The following PARP15 variants were observed in gnomAD, a reference collection of about 807,000 sequenced individuals.
PARP15 encodes the protein poly(ADP-ribose) polymerase family member 15, also known as protein mono-ADP-ribosyltransferase PARP15.
Under a neutral mutation model 62.1 loss-of-function variants are expected in PARP15, and 50 were observed. That is an observed-to-expected ratio of 0.81 (90% CI 0.64 to 1.02). PARP15 has a LOEUF of 1.02. PARP15 is among the 50% of genes least tolerant of loss of function. The pLI is 0.00. For synonymous variants in PARP15, 309 were observed against 293.1 expected (o/e 1.05, Z -0.55); for missense variants, 820 against 826.5 (o/e 0.99, Z 0.10).
intron 8 of PARP15, among the ~76,000 whole-genome samples, chr3:122,625,054 A>G (rs1936613118): frequency 1.3e-5 from 2 of 151,718 alleles, no homozygotes; most frequent in Admixed American, 6.6e-5. Context: ...TATATTCTTA[A>G]TTACTCTATT....
chr3:122,615,437 G>C, intron 4 of PARP15: 1 of 1,258,632 alleles, frequency 7.9e-7, no homozygotes, highest in South Asian at 1.4e-5. Context: ...TCAGCCTATT[G>C]GATGTAGGAG....
chr3:122,619,347 A>G (rs956668465), intron 6 of PARP15, among the ~76,000 whole-genome samples: 50 of 152,224 alleles, frequency 3.3e-4, no homozygotes, highest in Admixed American at 2.7e-3. Flanking sequence ...GATTCACTGG[A>G]GTGAAACCAG....
At chr3:122,603,521 G>A (rs1445960805) in intron 1 of PARP15, among the ~76,000 whole-genome samples, 2 of 152,192 alleles carry the variant, frequency 1.3e-5, no homozygotes, top group Non-Finnish European at 1.5e-5. Context: ...AATTTGATAT[G>A]TTCAAGGAGA....
intron 8 of PARP15, among the ~76,000 whole-genome samples, chr3:122,624,259 A>G (rs146967512): frequency 6.6e-6 from 1 of 152,328 alleles, no homozygotes; most frequent in East Asian, 1.9e-4. Flanking sequence ...TAGTTGTATT[A>G]GTAATATTAA....
intron 2 of PARP15, 32 bp from the exon 3 acceptor site, chr3:122,610,462 T>C: frequency 6.6e-7 from 1 of 1,506,722 alleles, no homozygotes; most frequent in Non-Finnish European, 9.0e-7. Flanking sequence ...GTATTATTGA[T>C]TCAATCTCTA....
chr3:122,608,325 C>G (rs755613598), intron 2 of PARP15, among the ~76,000 whole-genome samples: 12 of 149,900 alleles, frequency 8.0e-5, no homozygotes, highest in Admixed American at 2.7e-4. Flanking sequence ...AAGTGATTCT[C>G]CTGCCTCAGC....
Position 122,617,099 on chromosome 3 carries a change from A to G in PARP15, c.935A>G (p.Asp312Gly). 1.2e-6 allele frequency: 2 copies of G among 1,614,094 alleles called. No homozygotes were observed. Among genetic ancestry groups the G allele is most frequent in the Non-Finnish European group, 1.7e-6 (2 of 1,179,930 alleles). The change falls in exon 6 of 12, where the codon GAT (aspartate) becomes GGT (glycine). Residue 312 changes from aspartate to glycine, a missense_variant. This residue lies in a region of PARP15 where 731 missense variants were observed against 727.7 expected (regional missense o/e 1.00). Transcript: ENST00000464300. ...GAITFQVATG[D>G]IATEQVDVIV... ...ATTACTTTTCAGGTTGCTACTGGAG[A>G]TATAGCCACTGAACAGGTAGATGTT...
At chr3:122,591,697 A>G (rs974838890) in intron 1 of PARP15, among the ~76,000 whole-genome samples, 22 of 141,628 alleles carry the variant, frequency 1.6e-4, no homozygotes, top group African/African-American at 5.5e-4. Context: ...GGAGGCGGTT[A>G]TTGCAGTGAG....
At chr3:122,618,702 G>A (rs569065344) in intron 6 of PARP15, among the ~76,000 whole-genome samples, 1 of 152,290 alleles carries the variant, frequency 6.6e-6, no homozygotes, top group Admixed American at 6.5e-5. Flanking sequence ...TTTGGACTTA[G>A]GGCACCAGGC....
intron 1 of PARP15, 107 bp downstream of exon 1, chr3:122,577,960 C>A: frequency 8.0e-7 from 1 of 1,253,848 alleles, no homozygotes. Context: ...CCACGCACAA[C>A]CCTCTCTTCT....
At chr3:122,622,472 C>T (rs1936412515) in intron 8 of PARP15, among the ~76,000 whole-genome samples, 1 of 152,220 alleles carries the variant, frequency 6.6e-6, no homozygotes, top group South Asian at 2.1e-4. Context: ...CCTGCTGAAT[C>T]TTCTTCCAGA....
rs1242852013 is a variant in PARP15, at chr3:122,577,663, T to C, written c.-5T>C. The C allele has an allele frequency of 2.6e-6, 4 of 1,551,540 alleles. No homozygotes were observed. The highest frequency in any genetic ancestry group is 3.5e-6 in the Non-Finnish European group (4 of 1,146,930). On this transcript the variant is annotated 5_prime_UTR_variant, in exon 1 of 12. Transcript: ENST00000464300. ...GGGCGCAACTGCAGTCCCAGCGAGC[T>C]GAGGATGGCTGCGCCAGGCCCCCTT...
At chr3:122,631,555 G>A (rs1351916146) in intron 9 of PARP15, among the ~76,000 whole-genome samples, 1 of 152,212 alleles carries the variant, frequency 6.6e-6, no homozygotes, top group Non-Finnish European at 1.5e-5. Context: ...TGAAAACAAA[G>A]GAAACCCGGG....
intron 1 of PARP15, among the ~76,000 whole-genome samples, chr3:122,579,599 T>C (rs775222560): frequency 1.3e-5 from 2 of 152,212 alleles, no homozygotes; most frequent in African/African-American, 4.8e-5. Context: ...GCCTTAGGTA[T>C]CACTAATTTG....
chr3:122,603,231 C>T (rs888411517), intron 1 of PARP15, among the ~76,000 whole-genome samples: 1 of 152,114 alleles, frequency 6.6e-6, no homozygotes, highest in African/African-American at 2.4e-5. Flanking sequence ...GCCTAAAATG[C>T]ATCACCTGAT....
At chr3:122,631,775 A>G (rs751736446) in intron 9 of PARP15, among the ~76,000 whole-genome samples, 11 of 152,246 alleles carry the variant, frequency 7.2e-5, no homozygotes, top group Non-Finnish European at 1.2e-4. Flanking sequence ...ATGTTTACAT[A>G]TTAGTTTCTT....
chr3:122,625,028 A>AT (rs899548276), intron 8 of PARP15, among the ~76,000 whole-genome samples: 38 of 151,310 alleles, frequency 2.5e-4, no homozygotes, highest in South Asian at 8.4e-4. Flanking sequence ...TTACTATTAC[A>AT]TTTTTTTACC....
chr3:122,584,186 T>C (rs1057502109), intron 1 of PARP15, among the ~76,000 whole-genome samples: 6 of 152,232 alleles, frequency 3.9e-5, no homozygotes, highest in Non-Finnish European at 8.8e-5. Flanking sequence ...TAAAGTGGGA[T>C]AGGAAGTGTG....
chr3:122,636,071 C>A lies in PARP15; in HGVS notation c.2008C>A (p.Pro670Thr). The A allele has an allele frequency of 6.2e-7, 1 of 1,612,590 alleles. No homozygotes were observed. The highest frequency in any genetic ancestry group is 1.1e-5 in the South Asian group (1 of 91,024). ...GGTATTCTTTGATAATCAGGCTTAC[C>A]CAGAATATCTCATAACTTTCACGGC... ...FVVFFDNQAY[P>T]EYLITFTA The change falls in exon 12 of 12, where the codon CCA becomes ACA. Residue 670 changes from proline (P) to threonine (T), a missense_variant. Pro to Thr is a conservative substitution (Grantham distance 38). Around this residue, in one of 3 missense-constraint regions of PARP15, gnomAD observed 84 missense variants for 79.7 expected, o/e 1.05. Transcript: ENST00000464300.
Sources: gnomAD v4.1 joint callset for allele counts (sites outside exome capture counted in the v4.1 genomes callset) on GRCh38, gnomAD v4.1.1 for gene constraint, gnomAD v4.1.1 regional missense constraint, MANE v1.5 for transcripts, NCBI Gene and HGNC (gene_info 2026-07-23, HGNC 2026-07-21) for gene names.